NEDD4: variants seen among roughly 807,000 people sequenced by gnomAD.
The protein encoded by NEDD4 is NEDD4 E3 ubiquitin protein ligase, also known as E3 ubiquitin-protein ligase NEDD4.
In NEDD4, 99 loss-of-function variants were observed where a neutral mutation model predicts 144.9. The observed-to-expected ratio is 0.68, with a 90% confidence interval of 0.58 to 0.81. NEDD4 has a LOEUF of 0.81. Ranked by LOEUF, NEDD4 falls within the 30% of genes least tolerant of loss-of-function variation. The probability of loss-of-function intolerance (pLI) is 0.00; values close to 1 mark genes in which losing one functional copy is unlikely to be tolerated. For missense variants in NEDD4, 985 were observed against 1,065.9 expected (o/e 0.92, Z 1.06); for synonymous variants, 318 against 350.6 (o/e 0.91, Z 1.04).
intron 5 of NEDD4, among the ~76,000 whole-genome samples, chr15:55,882,035 A>G (rs1266912379): frequency 6.6e-6 from 1 of 152,222 alleles, no homozygotes; most frequent in Non-Finnish European, 1.5e-5. Context: ...AGAAGGTATA[A>G]GACCAAATGT....
Position 55,967,377 on chromosome 15 carries a change from T to C in NEDD4, c.46-831A>G, listed in dbSNP as rs2037531579. Among the ~76,000 whole-genome samples, 3 of 151,822 alleles carry C rather than the reference T, an allele frequency of 2.0e-5. No individual in the cohort carries two copies. The South Asian group carries it at 6.2e-4, about 31-fold the overall frequency. Reference sequence around the variant, plus strand: ...CATATTGAAGTGCTTAGGAATAAAGTATCATAAAGCTTGCAACTTATTTTC... The same window carrying C: ...CATATTGAAGTGCTTAGGAATAAAGCATCATAAAGCTTGCAACTTATTTTC... On this transcript the variant is annotated intron_variant, in intron 1 of 28. Coordinates refer to ENST00000435532, the MANE Select transcript of NEDD4 (RefSeq NM_006154.4).
At chr15:55,961,358 T>C (rs1334128246) in intron 2 of NEDD4, among the ~76,000 whole-genome samples, 2 of 152,104 alleles carry the variant, frequency 1.3e-5, no homozygotes, top group East Asian at 1.9e-4. Context: ...CAACAGCAGC[T>C]TTCCAAGACC....
chr15:55,882,083 T>G (rs2035214544), intron 5 of NEDD4, among the ~76,000 whole-genome samples: 1 of 152,168 alleles, frequency 6.6e-6, no homozygotes, highest in Non-Finnish European at 1.5e-5. Flanking sequence ...TAATTTTGGT[T>G]TTTAAAAGTA....
intron 1 of NEDD4, among the ~76,000 whole-genome samples, chr15:55,971,788 A>G (rs1020293964): frequency 6.6e-6 from 1 of 152,202 alleles, no homozygotes; most frequent in Non-Finnish European, 1.5e-5. Flanking sequence ...ATTTAACCCA[A>G]AGAAGACTAC....
At chr15:55,967,080 T>C (rs1487097773) in intron 1 of NEDD4, among the ~76,000 whole-genome samples, 8 of 152,076 alleles carry the variant, frequency 5.3e-5, no homozygotes, top group Non-Finnish European at 1.0e-4. Flanking sequence ...AGAGACAGGG[T>C]TTCACCATTG....
chr15:55,927,366 A>G (rs964126437), intron 4 of NEDD4, among the ~76,000 whole-genome samples: 1 of 152,024 alleles, frequency 6.6e-6, no homozygotes, highest in Non-Finnish European at 1.5e-5. Context: ...GCTGGAATGC[A>G]GTGGTGCGAT....
chr15:55,952,130 C>T (rs532845516), intron 2 of NEDD4, among the ~76,000 whole-genome samples: 3 of 151,684 alleles, frequency 2.0e-5, no homozygotes, highest in Non-Finnish European at 4.4e-5. Context: ...AGATCAAGAC[C>T]GTCCTGGCTA....
intron 5 of NEDD4, among the ~76,000 whole-genome samples, chr15:55,877,533 T>A (rs1298395206): frequency 6.6e-6 from 1 of 152,208 alleles, no homozygotes; most frequent in Non-Finnish European, 1.5e-5. Context: ...TTTTCCCCTT[T>A]GTAATTAACA....
At chr15:55,850,795 T>G (rs1259664823) in intron 13 of NEDD4, 53 bp from the exon 14 acceptor site, 1 of 1,494,758 alleles carries the variant, frequency 6.7e-7, no homozygotes, top group Admixed American at 2.1e-5. Flanking sequence ...AACTCACAAA[T>G]AGATGTAGTT....
At chr15:55,871,096 G>C (rs1490608711) in intron 7 of NEDD4, among the ~76,000 whole-genome samples, 1 of 152,088 alleles carries the variant, frequency 6.6e-6, no homozygotes, top group Non-Finnish European at 1.5e-5. Context: ...GGCAAATTTA[G>C]TGTATCCTTT....
In NEDD4 at chr15:55,829,770, A is replaced by G; in HGVS notation, c.*127T>C. 2 of 608,718 alleles carry G rather than the reference A, an allele frequency of 3.3e-6. No homozygotes were observed. The highest frequency in any genetic ancestry group is 5.8e-6 in the Non-Finnish European group (2 of 347,138). 37.7% of individuals were successfully genotyped at this position (608,718 alleles called of 1,614,324 possible). On this transcript the variant is annotated 3_prime_UTR_variant, in exon 29 of 29. Transcript: ENST00000435532. ...CGTACTATTTCTTCAAATGCTTTTT[A>G]TATGATTTTCTTCAAGATCTGGGAA...
At chr15:55,849,092 G>T (rs532329590) in intron 14 of NEDD4, among the ~76,000 whole-genome samples, 1 of 152,176 alleles carries the variant, frequency 6.6e-6, no homozygotes, top group South Asian at 2.1e-4. Context: ...AAGGAATAAC[G>T]ATCAGTTCTC....
At chr15:55,874,032 A>G (rs1383950433) in intron 5 of NEDD4, 24 bp from the exon 6 acceptor site, 2 of 1,287,826 alleles carry the variant, frequency 1.6e-6, no homozygotes, top group Admixed American at 2.0e-5. Context: ...AAGAAAAAAT[A>G]TAATTAGTAA....
At chr15:55,916,294 A>C in intron 5 of NEDD4, 1 of 1,614,010 alleles carries the variant, frequency 6.2e-7, no homozygotes, top group Non-Finnish European at 8.5e-7. Flanking sequence ...TTAGTATATG[A>C]ACCTCCACTT....
chr15:55,903,119 C>T lies in NEDD4; in HGVS notation c.291+21527G>A, dbSNP rs186360694. 9.9e-5 allele frequency among the ~76,000 whole-genome samples: 15 copies of T among 152,260 alleles called. No individual in the cohort carries two copies. In the South Asian group the frequency reaches 2.9e-3, roughly 29 times the overall value. On this transcript the variant is annotated intron_variant, in intron 5 of 28. Transcript: ENST00000435532. ...ACTCAACAATGGCCATAAGAAAACA[C>T]TTGATCTGGACTATACATTCTTCAG...
At chr15:55,974,816 T>TG (rs1365887875) in intron 1 of NEDD4, among the ~76,000 whole-genome samples, 1 of 149,960 alleles carries the variant, frequency 6.7e-6, no homozygotes, top group African/African-American at 2.5e-5. Context: ...GCTAGTGCCA[T>TG]GGTAAATGGG....
intron 12 of NEDD4, among the ~76,000 whole-genome samples, chr15:55,854,856 C>T (rs1427021555): frequency 6.6e-6 from 1 of 152,124 alleles, no homozygotes; most frequent in Non-Finnish European, 1.5e-5. Context: ...TAAATCATCT[C>T]GAGATTCTGC....
At chr15:55,858,391 C>G (rs1244048841) in intron 11 of NEDD4, among the ~76,000 whole-genome samples, 3 of 152,146 alleles carry the variant, frequency 2.0e-5, no homozygotes, top group Non-Finnish European at 4.4e-5. Context: ...ACTGCAACCT[C>G]TGCCTCTTGG....
intron 5 of NEDD4, among the ~76,000 whole-genome samples, chr15:55,883,897 T>TTG (rs1386024518): frequency 2.0e-5 from 3 of 151,090 alleles, no homozygotes; most frequent in African/African-American, 7.3e-5. Context: ...TTTTTTTTTT[T>TTG]GAGACAGAGT....
Sources: allele counts gnomAD v4.1 joint callset (sites outside exome capture counted in the v4.1 genomes callset), GRCh38; gene constraint gnomAD v4.1.1; transcripts MANE v1.5; gene names NCBI Gene and HGNC (gene_info 2026-07-23, HGNC 2026-07-21).